TTN: variants seen among roughly 807,000 people sequenced by gnomAD.
TTN encodes connectin.
A neutral mutation model predicts 3,223.0 loss-of-function variants in TTN; 1,525 were observed. The observed-to-expected ratio is 0.47, with a 90% CI of 0.45 to 0.49. The LOEUF is 0.49. TTN is among the 20% of genes least tolerant of loss of function. The pLI is 0.00. For missense variants in TTN, 40,786 were observed against 43,424.0 expected (o/e 0.94, Z 5.40); for synonymous variants, 14,094 against 15,161.0 (o/e 0.93, Z 5.17).
At position 178,567,323 on chromosome 2, in the gene TTN, T is replaced by G. The variant is rs1239041708; in HGVS notation, c.78809A>C (p.Asn26270Thr). 1 of 1,605,256 alleles carries G rather than the reference T, an allele frequency of 6.2e-7. No homozygotes were observed. Among genetic ancestry groups the G allele is most frequent in the Non-Finnish European group, 8.5e-7 (1 of 1,176,870 alleles). The change falls in exon 326 of 363, where the codon AAT becomes ACT. Residue 26270 changes from asparagine (N) to threonine (T), a missense_variant. By Grantham distance (65) the Asn-to-Thr change is moderately conservative. Coordinates refer to ENST00000589042, the MANE Select transcript of TTN (RefSeq NM_001267550.2). ...TGGGAATGACTTAGAACCTGCAACA[T>G]TGGAAGCTCTTAAAATATACTGCCC... The part of the protein sequence containing the change: ...DGGQYILRAS[N>T]VAGSKSFPVN...
In TTN at chr2:178,568,578, G is replaced by C; in HGVS notation, c.77554C>G (p.Leu25852Val). Residue 25852 changes from leucine (L) to valine (V), a missense_variant, in exon 326 of 363, where the codon CTC becomes GTC. Transcript: ENST00000589042. ...GTTTCTTTAATACTGAGTGTGGTGAGATCCAGTGAATCGGTAACATTGATT... is the reference window on the plus strand; with the variant it reads ...GTTTCTTTAATACTGAGTGTGGTGACATCCAGTGAATCGGTAACATTGATT... Reference protein sequence around the residue: ...TRINVTDSLDLTTLSIKETHK... With the variant: ...TRINVTDSLDVTTLSIKETHK... The C allele has an allele frequency of 6.2e-7, 1 of 1,613,466 alleles. No homozygotes were observed. The highest frequency in any genetic ancestry group is 8.5e-7 in the Non-Finnish European group (1 of 1,179,564).
chr2:178,738,056 C>T (rs762337673), intron 49 of TTN, 26 bp downstream of exon 49: 2 of 1,601,976 alleles, frequency 1.2e-6, no homozygotes, highest in Non-Finnish European at 1.7e-6. Context: ...GAAGTGACAA[C>T]ATCTGTGCCA....
At position 178,534,036 on chromosome 2, in the gene TTN, G is replaced by T. The variant is rs1317954218; in HGVS notation, c.102579C>A (p.Ile34193=). 1 of 1,613,934 alleles carries T rather than the reference G, an allele frequency of 6.2e-7. No homozygotes were observed. Among genetic ancestry groups the T allele is most frequent in the Non-Finnish European group, 8.5e-7 (1 of 1,179,856 alleles). Reference sequence around the variant, plus strand: ...ATTTGGTAATGTCTTTGACATAGAGGATGGCCACTCCATCTTCGTAGGTGA... The same window carrying T: ...ATTTGGTAATGTCTTTGACATAGAGTATGGCCACTCCATCTTCGTAGGTGA... ...YEITYEDGVA[I]LYVKDITKLD... The change falls in exon 358 of 363, where the codon ATC becomes ATA. Residue 34193 remains isoleucine, a synonymous_variant. Transcript: ENST00000589042.
rs1302062003 is a variant in TTN at position 178,592,657 on chromosome 2, G to A, written c.59348C>T (p.Pro19783Leu). The change falls in exon 301 of 363, where the codon CCC (proline) becomes CTC (leucine). Residue 19783 changes from proline to leucine, a missense_variant. By Grantham distance (98) the Pro-to-Leu change is moderately conservative. Coordinates refer to ENST00000589042, the MANE Select transcript of TTN (RefSeq NM_001267550.2). ...EPVLVKDRLE[P>L]PELILDANMA... ...GTTGGCATCAAGAATCAACTCAGGG[G>A]GTTCTAGAATAAAGAGAACAGAACA... 6.2e-7 allele frequency: 1 copy of A among 1,612,724 alleles called. No individual in the cohort carries two copies. The highest frequency in any genetic ancestry group is 1.7e-5 in the Admixed American group (1 of 59,864).
rs775848336 is a variant in TTN at position 178,770,091 on chromosome 2, T to C, written c.8610A>G (p.Gln2870=). The C allele has an allele frequency of 6.2e-7, 1 of 1,614,158 alleles. No individual in the cohort carries two copies. Among genetic ancestry groups the C allele is most frequent in the African/African-American group, 1.3e-5 (1 of 75,048 alleles). Residue 2870 remains glutamine (Q), a synonymous_variant, in exon 36 of 363, where the codon CAA becomes CAG. Coordinates refer to ENST00000589042, the MANE Select transcript of TTN (RefSeq NM_001267550.2). The part of the protein sequence containing the change: ...DAGEYTAVVG[Q]LECKAKLFVE... The stretch of plus-strand genomic sequence containing the variant: ...CAAACAGTTTTGCTTTGCATTCCAA[T>C]TGCCCGACCACAGCTGTGTATTCCC...
Position 178,571,456 on chromosome 2 carries a change from A to G in TTN, c.74676T>C (p.Ser24892=). 1 of 1,613,232 alleles carries G rather than the reference A, an allele frequency of 6.2e-7. No homozygotes were observed. The highest frequency in any genetic ancestry group is 8.5e-7 in the Non-Finnish European group (1 of 1,179,558). ...CAGTAGGCTCTGAATTGAGGTAGGT[A>G]CTCTTCCCATATCTGTTTTCAGCTG... ...RIAAENRYGK[S]TYLNSEPTVA... Residue 24892 remains serine (S), a synonymous_variant, in exon 326 of 363, where the codon AGT becomes AGC. Coordinates refer to ENST00000589042, the MANE Select transcript of TTN (RefSeq NM_001267550.2).
chr2:178,584,598 A>G lies in TTN; in HGVS notation c.64973-20T>C. On this transcript the variant is annotated intron_variant, in intron 310 of 362. Coordinates refer to ENST00000589042, the MANE Select transcript of TTN (RefSeq NM_001267550.2). ...GAACACCTGGAGATGAAGACAAGGA[A>G]GATGTCAGTTTCTACATTAAGTAAC... is the stretch of plus-strand genomic sequence containing the variant. 1 of 1,610,496 alleles carries G rather than the reference A, an allele frequency of 6.2e-7. No individual in the cohort carries two copies. The highest frequency in any genetic ancestry group is 8.5e-7 in the Non-Finnish European group (1 of 1,178,452).
At position 178,599,404 on chromosome 2, in the gene TTN, C is replaced by T. The variant is rs778722684; in HGVS notation, c.56389G>A (p.Val18797Ile). 5.1e-6 allele frequency: 8 copies of T among 1,565,500 alleles called. No homozygotes were observed. Among genetic ancestry groups the T allele is most frequent in the Non-Finnish European group, 6.9e-6 (8 of 1,158,760 alleles). The stretch of plus-strand genomic sequence containing the variant: ...GATAGTGTCATTTGATCTGCTGAAA[C>T]AGATTCAAATTTTATGGGTCCCACT... Reference protein sequence around the residue: ...PPVGPIKFESVSADQMTLSWF... With the variant: ...PPVGPIKFESISADQMTLSWF... Residue 18797 changes from valine (V) to isoleucine (I), a missense_variant, in exon 290 of 363, where the codon GTT (valine) becomes ATT (isoleucine). Transcript: ENST00000589042.
At chr2:178,699,481 G>C (rs1240214251) in intron 111 of TTN, among the ~76,000 whole-genome samples, 1 of 114,860 alleles carries the variant, frequency 8.7e-6, no homozygotes, top group African/African-American at 3.3e-5. Flanking sequence ...GCGCAATCTC[G>C]GCTCACTGCA....
At position 178,539,708 on chromosome 2, in the gene TTN, A is replaced by G. The variant is rs1170766154; in HGVS notation, c.98357T>C (p.Val32786Ala). ...VLENKCGKKA[V>A]YIKVRVIGSP... Reference sequence around the variant, plus strand: ...TCCTATCACCCTGACCTTGATGTAGACAGCCTTCTTGCCACATTTATTTTC... The same window carrying G: ...TCCTATCACCCTGACCTTGATGTAGGCAGCCTTCTTGCCACATTTATTTTC... The change falls in exon 352 of 363, where the codon GTC (valine) becomes GCC (alanine). Residue 32786 changes from valine to alanine, a missense_variant. By Grantham distance (64) the Val-to-Ala change is moderately conservative. Transcript: ENST00000589042. 1.2e-6 allele frequency: 2 copies of G among 1,613,668 alleles called. No homozygotes were observed. The highest frequency in any genetic ancestry group is 2.2e-5 in the East Asian group (1 of 44,874).
chr2:178,541,346 A>G lies in TTN; in HGVS notation c.97731T>C (p.Ile32577=). The change falls in exon 350 of 363, where the codon ATT becomes ATC. Residue 32577 remains isoleucine (I), a synonymous_variant. Coordinates refer to ENST00000589042, the MANE Select transcript of TTN (RefSeq NM_001267550.2). ...TTGGTTTCCCAGACCCTCTTGCATT[A>G]ATGGCTGTGACACGGTGTTCATATT... ...GLEYEHRVTA[I]NARGSGKPSR... is the part of the protein sequence containing the mutation. The G allele has an allele frequency of 6.3e-7, 1 of 1,585,894 alleles. No homozygotes were observed. Among genetic ancestry groups the G allele is most frequent in the Non-Finnish European group, 8.6e-7 (1 of 1,163,988 alleles).
rs367603381 is a variant in TTN, at chr2:178,564,395, A to G, written c.81737T>C (p.Ile27246Thr). 2.0e-5 allele frequency: 33 copies of G among 1,613,424 alleles called. No homozygotes were observed. The highest frequency in any genetic ancestry group is 1.2e-4 in the Admixed American group (7 of 59,942). Residue 27246 changes from isoleucine to threonine, a missense_variant, in exon 326 of 363, where the codon ATT (isoleucine) becomes ACT (threonine). Transcript: ENST00000589042. Reference sequence around the variant, plus strand: ...AAAGTTTCCAGCTGCATTTCTTGCAATTACTCTAAATTCATATCTTTGGTC... The same window carrying G: ...AAAGTTTCCAGCTGCATTTCTTGCAGTTACTCTAAATTCATATCTTTGGTC... ...VEDQRYEFRV[I>T]ARNAAGNFSE... is the part of the protein sequence containing the mutation.
In TTN at chr2:178,732,601, T is replaced by C. The variant is rs2080750786; in HGVS notation, c.16460A>G (p.Asn5487Ser). ...TPLTIRWFKGNKELVSGGSCY... is the reference protein window; with the variant it reads ...TPLTIRWFKGSKELVSGGSCY... ...GCTTCCACCAGAAACCAGCTCTTTG[T>C]TGCCCTTAAACCATCTGATTGTGAG... is the stretch of plus-strand genomic sequence containing the variant. Residue 5487 changes from asparagine to serine, a missense_variant, in exon 56 of 363, where the codon AAC (asparagine) becomes AGC (serine). Physicochemically the swap from Asn to Ser is conservative, Grantham distance 46. Transcript: ENST00000589042. The C allele has an allele frequency of 1.9e-6, 3 of 1,613,574 alleles. No individual in the cohort carries two copies. Among genetic ancestry groups the C allele is most frequent in the Admixed American group, 3.3e-5 (2 of 59,966 alleles).
Position 178,664,115 on chromosome 2 carries a change from AT to A in TTN, c.36281-18del, listed in dbSNP as rs1187057907. 1.9e-6 allele frequency: 3 copies of A among 1,592,728 alleles called. No individual in the cohort carries two copies. The highest frequency in any genetic ancestry group is 2.6e-6 in the Non-Finnish European group (3 of 1,170,456). Reference sequence around the variant, plus strand: ...CTTCGTGCACTTGAAAGATATTAGTATTTTTACACTCAGAAAATACAGAGAT... The same window carrying A: ...CTTCGTGCACTTGAAAGATATTAGTATTTTACACTCAGAAAATACAGAGAT... On this transcript the variant is annotated intron_variant, in intron 168 of 362. Transcript: ENST00000589042.
rs1297839947 is a variant in TTN at position 178,599,788 on chromosome 2, C to T, written c.56113G>A (p.Val18705Met). 8 of 1,611,018 alleles carry T rather than the reference C, an allele frequency of 5.0e-6. No homozygotes were observed. Among genetic ancestry groups the T allele is most frequent in the South Asian group, 2.2e-5 (2 of 90,538 alleles). ...AATGGCACACCTTTAATTTTGGCCA[C>T]AATGTTAACATTGGTTCCTTCTTCA... ...EVEEGTNVNIVAKIKGVPFPT... is the reference protein window; with the variant it reads ...EVEEGTNVNIMAKIKGVPFPT... The change falls in exon 289 of 363, where the codon GTG becomes ATG. Residue 18705 changes from valine (V) to methionine (M), a missense_variant. Physicochemically the swap from Val to Met is conservative, Grantham distance 21 (BLOSUM62 1). Coordinates refer to ENST00000589042, the MANE Select transcript of TTN (RefSeq NM_001267550.2).
intron 133 of TTN, 54 bp downstream of exon 133, chr2:178,683,945 T>C (rs1312593271): frequency 5.8e-6 from 8 of 1,391,152 alleles, no homozygotes; most frequent in Non-Finnish European, 7.8e-6. Context: ...TAGATTAGTT[T>C]TAGTGTCTGG....
chr2:178,705,516 G>A (rs1230900291), intron 102 of TTN, among the ~76,000 whole-genome samples, 159 bp from the exon 103 acceptor site: 1 of 152,106 alleles, frequency 6.6e-6, no homozygotes, highest in Non-Finnish European at 1.5e-5. Context: ...ATTTAAAAAT[G>A]TGGGTTTGGA....
intron 165 of TTN, 143 bp downstream of exon 165, chr2:178,665,234 A>G: frequency 1.2e-6 from 1 of 852,102 alleles, no homozygotes; most frequent in Non-Finnish European, 1.8e-6. Context: ...TTTTTAGAGG[A>G]AACTTCCTGT....
chr2:178,690,783 T>C (rs1410129450), intron 121 of TTN, among the ~76,000 whole-genome samples: 1 of 152,158 alleles, frequency 6.6e-6, no homozygotes, highest in Non-Finnish European at 1.5e-5. Flanking sequence ...TATATATACA[T>C]GCAGTATTTA....
Sources: allele counts gnomAD v4.1 joint callset (sites outside exome capture counted in the v4.1 genomes callset), GRCh38; gene constraint gnomAD v4.1.1; transcripts MANE v1.5; gene names NCBI Gene and HGNC (gene_info 2026-07-23, HGNC 2026-07-21).